The following SPAG16 variants were observed in gnomAD, a reference collection of about 807,000 sequenced individuals.
The protein encoded by SPAG16 is sperm associated antigen 16, also known as sperm-associated antigen 16 protein.
A neutral mutation model predicts 80.4 loss-of-function variants in SPAG16; 86 were observed. The ratio of observed to expected loss-of-function variants is 1.07; its 90% CI spans 0.90 to 1.28. The LOEUF is 1.28. Ranked by LOEUF, SPAG16 falls within the 50% of genes most tolerant of loss-of-function variation. The pLI, the probability that SPAG16 is intolerant of heterozygous loss-of-function variation, is 0.00. For synonymous variants in SPAG16, 294 were observed against 265.9 expected, an observed-to-expected ratio of 1.11 and a Z score of -1.03; for missense variants, 870 against 765.3, an observed-to-expected ratio of 1.14 and a Z score of -1.61.
At chr2:213,819,863 TCTC>T (rs2072822105) in intron 10 of SPAG16, among the ~76,000 whole-genome samples, 1 of 151,796 alleles carries the variant, frequency 6.6e-6, no homozygotes. Flanking sequence ...TTCAAACAAT[TCTC>T]CTGTTTCAGT....
At chr2:213,566,160 G>A (rs2059755222) in intron 10 of SPAG16, among the ~76,000 whole-genome samples, 1 of 152,026 alleles carries the variant, frequency 6.6e-6, no homozygotes, top group Non-Finnish European at 1.5e-5. Context: ...TGAAGGAGGA[G>A]GTAATTAAAC....
chr2:214,041,059 GTT>G (rs1375863706), intron 13 of SPAG16, among the ~76,000 whole-genome samples: 4 of 148,254 alleles, frequency 2.7e-5, no homozygotes, highest in Non-Finnish European at 6.0e-5. Context: ...TTTCTTTGTT[GTT>G]TTTCTATTTT....
chr2:213,469,115 A>G (rs2072923268), intron 9 of SPAG16, among the ~76,000 whole-genome samples: 1 of 152,120 alleles, frequency 6.6e-6, no homozygotes, highest in South Asian at 2.1e-4. Flanking sequence ...GCATCCCTCA[A>G]TCCAATCAAG....
At chr2:214,341,232 C>G (rs1321349754) in intron 15 of SPAG16, among the ~76,000 whole-genome samples, 3 of 151,908 alleles carry the variant, frequency 2.0e-5, no homozygotes, top group African/African-American at 7.3e-5. Flanking sequence ...AAAAGAAAGA[C>G]AGAAAACAAG....
chr2:214,003,871 G>A lies in SPAG16; in HGVS notation c.1401-10080G>A, dbSNP rs80122347. Among the ~76,000 whole-genome samples the A allele has an allele frequency of 5.7e-3, 863 of 152,232 alleles. 9 individuals carry two copies. Among genetic ancestry groups the A allele is most frequent in the African/African-American group, 0.02 (819 of 41,532 alleles). ...ACACATCACAGCCTTTTTGCATTTA[G>A]GATCACTAGACAGCACATAGCGCTA... is the stretch of plus-strand genomic sequence containing the variant. On this transcript the variant is annotated intron_variant, in intron 12 of 15. Transcript: ENST00000331683.
intron 12 of SPAG16, among the ~76,000 whole-genome samples, chr2:213,967,245 A>G (rs2044754263): frequency 6.6e-6 from 1 of 152,206 alleles, no homozygotes; most frequent in Non-Finnish European, 1.5e-5. Flanking sequence ...TCTGTCGGAC[A>G]AAATCTTCCA....
intron 10 of SPAG16, among the ~76,000 whole-genome samples, chr2:213,519,842 A>G (rs1428811817): frequency 6.6e-6 from 1 of 152,166 alleles, no homozygotes; most frequent in East Asian, 1.9e-4. Context: ...CCAAAACAAT[A>G]TGTTGAAGTT....
chr2:214,399,042 T>C (rs955855061), intron 15 of SPAG16, among the ~76,000 whole-genome samples: 7 of 152,180 alleles, frequency 4.6e-5, no homozygotes, highest in Admixed American at 4.6e-4. Flanking sequence ...TATCAAGCAC[T>C]TCAAATTATT....
intron 10 of SPAG16, among the ~76,000 whole-genome samples, chr2:213,616,525 T>C (rs1334615286): frequency 6.6e-6 from 1 of 152,124 alleles, no homozygotes; most frequent in African/African-American, 2.4e-5. Context: ...CAGTAAATCA[T>C]AGAAGGGGGG....
intron 10 of SPAG16, among the ~76,000 whole-genome samples, chr2:213,497,332 C>T (rs1049081937): frequency 6.6e-6 from 1 of 151,898 alleles, no homozygotes; most frequent in Non-Finnish European, 1.5e-5. Flanking sequence ...CGATTTATTT[C>T]AGATTGTCTT....
At chr2:213,779,199 A>G (rs2069790141) in intron 10 of SPAG16, among the ~76,000 whole-genome samples, 1 of 152,000 alleles carries the variant, frequency 6.6e-6, no homozygotes, top group Non-Finnish European at 1.5e-5. Flanking sequence ...TATACCTCCA[A>G]CTTCTTTTTT....
At position 213,915,592 on chromosome 2, in the gene SPAG16, T is replaced by G. The variant is rs569949464; in HGVS notation, c.1215-14368T>G. 1.1e-4 allele frequency among the ~76,000 whole-genome samples: 17 copies of G among 152,310 alleles called. No homozygotes were observed. The East Asian group carries it at 2.5e-3, about 22-fold the overall frequency. On this transcript the variant is annotated intron_variant, in intron 11 of 15. Transcript: ENST00000331683. The stretch of plus-strand genomic sequence containing the variant: ...TGAATAGTGCTGCAATAAACATACA[T>G]GTGCATGTATCTTTATAGTAAAATG...
chr2:214,211,669 A>C (rs1202572139), intron 15 of SPAG16, among the ~76,000 whole-genome samples: 1 of 152,160 alleles, frequency 6.6e-6, no homozygotes, highest in African/African-American at 2.4e-5. Context: ...AGACTGAGAA[A>C]GCCACAGGCT....
chr2:214,279,337 C>T (rs1212920425), intron 15 of SPAG16, among the ~76,000 whole-genome samples: 3 of 152,154 alleles, frequency 2.0e-5, no homozygotes, highest in East Asian at 1.9e-4. Context: ...CCTTGTGATC[C>T]GCCCTCCTCA....
chr2:213,673,932 G>C (rs1336694056), intron 10 of SPAG16, among the ~76,000 whole-genome samples: 1 of 151,960 alleles, frequency 6.6e-6, no homozygotes, highest in Non-Finnish European at 1.5e-5. Context: ...CATTCTATAT[G>C]AAATATTAAC....
intron 10 of SPAG16, among the ~76,000 whole-genome samples, chr2:213,717,595 A>G (rs2066296815): frequency 6.6e-6 from 1 of 151,864 alleles, no homozygotes. Flanking sequence ...TCTTCAGGGG[A>G]CCACATTTTG....
At chr2:213,763,720 CAGCTGTGAT>C (rs1278577219) in intron 10 of SPAG16, among the ~76,000 whole-genome samples, 3 of 152,060 alleles carry the variant, frequency 2.0e-5, no homozygotes, top group African/African-American at 7.2e-5. Context: ...AATAGAATAT[CAGCTGTGAT>C]GCAATATGAT....
chr2:213,804,232 A>G (rs542544596), intron 10 of SPAG16, among the ~76,000 whole-genome samples: 144 of 152,322 alleles, frequency 9.5e-4, no homozygotes, highest in Non-Finnish European at 1.9e-3. Flanking sequence ...CAAACAAAAG[A>G]AGCCGAATGA....
At chr2:213,774,015 CT>C (rs2069416748) in intron 10 of SPAG16, among the ~76,000 whole-genome samples, 1 of 152,032 alleles carries the variant, frequency 6.6e-6, no homozygotes, top group African/African-American at 2.4e-5. Flanking sequence ...TTAGAATCCT[CT>C]GTCTGTTCAC....
Sources: gnomAD v4.1 joint callset for allele counts (sites outside exome capture counted in the v4.1 genomes callset) on GRCh38, gnomAD v4.1.1 for gene constraint, MANE v1.5 for transcripts, NCBI Gene and HGNC (gene_info 2026-07-23, HGNC 2026-07-21) for gene names.